Variants in TTC7A observed in about 807,000 individuals in gnomAD.
The protein encoded by TTC7A is tetratricopeptide repeat protein 7A.
In TTC7A, 110 loss-of-function variants were observed where a neutral mutation model predicts 103.7. The observed-to-expected ratio is 1.06, with a 90% CI of 0.91 to 1.24. The LOEUF (loss-of-function observed/expected upper bound fraction) is 1.24. Among genes scored for constraint, TTC7A ranks in the 50% most tolerant of loss-of-function variants. TTC7A has a pLI of 0.00. For missense variants in TTC7A, 1,340 were observed against 1,116.3 expected (o/e 1.20, Z -2.86); for synonymous variants, 521 against 467.9 (o/e 1.11, Z -1.47).
intron 15 of TTC7A, among the ~76,000 whole-genome samples, chr2:47,035,029 G>C (rs1405180891): frequency 6.6e-6 from 1 of 152,204 alleles, no homozygotes; most frequent in Non-Finnish European, 1.5e-5. Flanking sequence ...TTCAGCTAAG[G>C]CTAACGTTGG....
At chr2:46,946,505 C>T (rs1398208513) in intron 1 of TTC7A, among the ~76,000 whole-genome samples, 1 of 152,138 alleles carries the variant, frequency 6.6e-6, no homozygotes, top group African/African-American at 2.4e-5. Context: ...CTCCCTACAG[C>T]GTTGAACTCT....
At chr2:47,002,786 T>C (rs903181542) in intron 8 of TTC7A, among the ~76,000 whole-genome samples, 1 of 152,088 alleles carries the variant, frequency 6.6e-6, no homozygotes, top group Non-Finnish European at 1.5e-5. Flanking sequence ...ACACAGGCAC[T>C]GCCCAGCAAC....
chr2:47,046,258 C>G, intron 15 of TTC7A, 57 bp from the exon 16 acceptor site: 1 of 1,401,322 alleles, frequency 7.1e-7, no homozygotes, highest in Non-Finnish European at 1.0e-6. Flanking sequence ...GGCAGGATCC[C>G]CAGGTGAAAG....
intron 14 of TTC7A, among the ~76,000 whole-genome samples, chr2:47,027,607 C>G (rs755698034): frequency 7.9e-5 from 12 of 152,262 alleles, no homozygotes; most frequent in Non-Finnish European, 1.8e-4. Flanking sequence ...GCAGCACCAA[C>G]TCTAGAACCC....
At chr2:47,000,673 G>GTACCCA (rs1369331826) in intron 8 of TTC7A, among the ~76,000 whole-genome samples, 1 of 152,168 alleles carries the variant, frequency 6.6e-6, no homozygotes, top group Non-Finnish European at 1.5e-5. Flanking sequence ...CCAGGGAGGG[G>GTACCCA]GCAGGTGCTG....
intron 18 of TTC7A, among the ~76,000 whole-genome samples, chr2:47,060,297 G>T (rs543944992): frequency 2.6e-5 from 4 of 152,158 alleles, no homozygotes; most frequent in African/African-American, 7.2e-5. Flanking sequence ...TTGAACCCAG[G>T]GGGCAGAGGT....
intron 19 of TTC7A, among the ~76,000 whole-genome samples, chr2:47,062,725 C>T (rs1683887605): frequency 6.6e-6 from 1 of 152,194 alleles, no homozygotes. Context: ...TTCATTTATG[C>T]TTATTATTGT....
At chr2:47,057,790 C>A (rs1192220566) in intron 18 of TTC7A, among the ~76,000 whole-genome samples, 1 of 152,218 alleles carries the variant, frequency 6.6e-6, no homozygotes, top group Non-Finnish European at 1.5e-5. Context: ...CCTTCAGGCT[C>A]CAGCTCCAAT....
At chr2:46,934,258 C>G (rs1669852653) in intron 2 of TTC7A, among the ~76,000 whole-genome samples, 1 of 152,134 alleles carries the variant, frequency 6.6e-6, no homozygotes, top group Non-Finnish European at 1.5e-5. Context: ...TTTAAATGAA[C>G]TCGATGACTT....
chr2:47,047,056 C>G (rs989936473), intron 16 of TTC7A: 32 of 555,516 alleles, frequency 5.8e-5, no homozygotes, highest in African/African-American at 4.9e-4. Flanking sequence ...GCAGGGCACT[C>G]TTGTCCAGGC....
intron 19 of TTC7A, among the ~76,000 whole-genome samples, chr2:47,069,858 C>T (rs1003682706): frequency 6.6e-6 from 1 of 152,252 alleles, no homozygotes; most frequent in African/African-American, 2.4e-5. Flanking sequence ...AACGCAGGCT[C>T]CAGGGACCAG....
chr2:47,047,918 G>T (rs952613617), intron 16 of TTC7A, among the ~76,000 whole-genome samples: 1 of 152,204 alleles, frequency 6.6e-6, no homozygotes, highest in Admixed American at 6.5e-5. Flanking sequence ...AAGCCAGGAG[G>T]ATATTGGATC....
chr2:47,066,847 T>A (rs532143032), intron 19 of TTC7A, among the ~76,000 whole-genome samples: 2 of 152,222 alleles, frequency 1.3e-5, no homozygotes, highest in Non-Finnish European at 2.9e-5. Context: ...TGAGCCACCA[T>A]GTGTGGCCTT....
At chr2:47,036,866 A>G (rs1442730584) in intron 15 of TTC7A, among the ~76,000 whole-genome samples, 2 of 152,156 alleles carry the variant, frequency 1.3e-5, no homozygotes, top group South Asian at 2.1e-4. Context: ...AAAAGTCCTG[A>G]GCATGTGTTG....
rs370585197 is a variant in TTC7A at position 46,950,349 on chromosome 2, A to G, written c.185-14A>G. 150 of 1,613,630 alleles carry G rather than the reference A, an allele frequency of 9.3e-5. No individual in the cohort carries two copies. Among genetic ancestry groups the G allele is most frequent in the Admixed American group, 4.0e-4 (24 of 59,944 alleles). The stretch of plus-strand genomic sequence containing the variant: ...TTCGGGGTTTGCTGCTCTGACCCCT[A>G]CTTTGCTTTTCAGATGACTTTGGGA... On this transcript the variant is annotated splice_polypyrimidine_tract_variant and intron_variant, in intron 1 of 19. Transcript: ENST00000319190.
chr2:47,031,813 G>T (rs980128309), intron 15 of TTC7A, among the ~76,000 whole-genome samples: 1 of 152,244 alleles, frequency 6.6e-6, no homozygotes, highest in Non-Finnish European at 1.5e-5. Context: ...CTGCTGTGGG[G>T]AGGCTAACTC....
Position 46,993,461 on chromosome 2 carries a change from A to C in TTC7A, c.776A>C (p.Lys259Thr). 6.2e-7 allele frequency: 1 copy of C among 1,614,178 alleles called. No individual in the cohort carries two copies. The highest frequency in any genetic ancestry group is 8.5e-7 in the Non-Finnish European group (1 of 1,180,002). Residue 259 changes from lysine (K) to threonine (T), a missense_variant, in exon 6 of 20, where the codon AAG (lysine) becomes ACG (threonine). Physicochemically the swap from Lys to Thr is moderately conservative, Grantham distance 78. Coordinates refer to ENST00000319190, the MANE Select transcript of TTC7A (RefSeq NM_020458.4). ...VKNLKKGNIV[K>T]GMRELREVLR... ...CGTCCTCCCACCAGGAACATCGTGAAGGGCATGAGAGAGCTCCGGGAGGTG... is the reference window on the plus strand; with the variant it reads ...CGTCCTCCCACCAGGAACATCGTGACGGGCATGAGAGAGCTCCGGGAGGTG...
intron 2 of TTC7A, chr2:46,956,610 A>C (rs1314860512): frequency 5.4e-6 from 3 of 558,900 alleles, no homozygotes; most frequent in Non-Finnish European, 9.6e-6. Context: ...ACACACATGA[A>C]ACAATTAGGG....
At chr2:47,006,792 G>A in intron 10 of TTC7A, 68 bp downstream of exon 10, 1 of 1,274,842 alleles carries the variant, frequency 7.8e-7, no homozygotes, top group Non-Finnish European at 1.1e-6. Context: ...TGGACAGAGG[G>A]GCTTTTCTGG....
Sources: gnomAD v4.1 joint callset for allele counts (sites outside exome capture counted in the v4.1 genomes callset) on GRCh38, gnomAD v4.1.1 for gene constraint, MANE v1.5 for transcripts, NCBI Gene and HGNC (gene_info 2026-07-23, HGNC 2026-07-21) for gene names.